Variants in MPZL1 observed in about 807,000 individuals in gnomAD.
MPZL1 encodes the protein myelin protein zero like 1, also known as myelin protein zero-like protein 1.
Under a neutral mutation model 29.3 loss-of-function variants are expected in MPZL1, and 16 were observed. The ratio of observed to expected loss-of-function variants is 0.55; its 90% CI spans 0.37 to 0.83. The LOEUF (loss-of-function observed/expected upper bound fraction) is 0.83, where lower values mean the gene tolerates loss of function less well. Ranked by LOEUF, MPZL1 falls within the 40% of genes least tolerant of loss-of-function variation. MPZL1 has a pLI of 0.00. For missense variants in MPZL1, 279 were observed against 332.9 expected, an observed-to-expected ratio of 0.84 and a Z score of 1.26; for synonymous variants, 143 against 132.0, an observed-to-expected ratio of 1.08 and a Z score of -0.57.
intron 1 of MPZL1, 26 bp from the exon 2 acceptor site, chr1:167,765,557 A>T (rs773540156): frequency 6.3e-6 from 10 of 1,575,018 alleles, no homozygotes; most frequent in Admixed American, 5.6e-5. Context: ...TCCTACTTTC[A>T]ACTACCCTTA....
At chr1:167,733,896 C>G (rs1224311001) in intron 1 of MPZL1, among the ~76,000 whole-genome samples, 2 of 151,422 alleles carry the variant, frequency 1.3e-5, no homozygotes, top group Non-Finnish European at 2.9e-5. Context: ...GAGCAAGACC[C>G]TGTTTAAAAA....
intron 1 of MPZL1, among the ~76,000 whole-genome samples, chr1:167,760,272 AGCTCACT>A (rs1660955201): frequency 6.6e-6 from 1 of 152,060 alleles, no homozygotes; most frequent in African/African-American, 2.4e-5. Flanking sequence ...GTGTGATCTC[AGCTCACT>A]GCAAGCTCCG....
At chr1:167,726,007 A>T (rs1660137630) in intron 1 of MPZL1, among the ~76,000 whole-genome samples, 2 of 152,202 alleles carry the variant, frequency 1.3e-5, no homozygotes, top group Non-Finnish European at 2.9e-5. Context: ...TCTTTTTTAA[A>T]ATCCTTAATG....
At position 167,722,191 on chromosome 1, in the gene MPZL1, C is replaced by T. The variant is rs113319606; in HGVS notation, c.40C>T (p.Pro14Ser). The T allele has an allele frequency of 8.1e-7, 1 of 1,238,462 alleles. No individual in the cohort carries two copies. The highest frequency in any genetic ancestry group is 1.0e-6 in the Non-Finnish European group (1 of 987,988). The allele number at this position is 1,238,462 out of a possible 1,614,324, so 76.7% of individuals were successfully genotyped here. Residue 14 changes from proline to serine, a missense_variant, in exon 1 of 6, where the codon CCA (proline) becomes TCA (serine). Pro to Ser is a moderately conservative substitution (Grantham distance 74). Transcript: ENST00000359523. ...CGGAGCCGGGGCGGTGATTGCAGCC[C>T]CAGACAGCCGGCGCTGGCTGTGGTC... is the stretch of plus-strand genomic sequence containing the variant. The part of the protein sequence containing the change: ...SAGAGAVIAA[P>S]DSRRWLWSVL...
intron 1 of MPZL1, among the ~76,000 whole-genome samples, chr1:167,760,761 G>GTA (rs1660968782): frequency 7.9e-6 from 1 of 127,374 alleles, no homozygotes; most frequent in Non-Finnish European, 1.8e-5. Context: ...GTGTGTGTGT[G>GTA]TGTGTGTGTG....
intron 5 of MPZL1, among the ~76,000 whole-genome samples, chr1:167,776,561 G>A (rs571125405): frequency 6.6e-6 from 1 of 152,274 alleles, no homozygotes; most frequent in South Asian, 2.1e-4. Context: ...GGAAAAGTTG[G>A]TATTCTTAGT....
At chr1:167,768,226 T>C (rs1054142392) in intron 2 of MPZL1, among the ~76,000 whole-genome samples, 3 of 152,194 alleles carry the variant, frequency 2.0e-5, no homozygotes, top group Non-Finnish European at 4.4e-5. Context: ...AATTAAAAGC[T>C]CATTACAATT....
At position 167,722,798 on chromosome 1, in the gene MPZL1, C is replaced by T. The variant is rs536565980; in HGVS notation, c.91+556C>T. 3.3e-5 allele frequency among the ~76,000 whole-genome samples: 5 copies of T among 152,260 alleles called. No individual in the cohort carries two copies. The South Asian group carries it at 1.0e-3, about 32-fold the overall frequency. ...TCTCCGTAATAAAAGAGTCTCATTT[C>T]CGTGGTCTGCAAAACGCCAATAAAA... On this transcript the variant is annotated intron_variant, in intron 1 of 5. Transcript: ENST00000359523.
chr1:167,752,645 C>G (rs771029642), intron 1 of MPZL1, among the ~76,000 whole-genome samples: 46 of 152,142 alleles, frequency 3.0e-4, no homozygotes, highest in Admixed American at 1.4e-3. Flanking sequence ...TCATATTTTA[C>G]TTTCTGTTCA....
At chr1:167,754,507 C>T (rs755038203) in intron 1 of MPZL1, among the ~76,000 whole-genome samples, 7 of 152,106 alleles carry the variant, frequency 4.6e-5, no homozygotes, top group African/African-American at 1.2e-4. Context: ...ATTTCTCTGC[C>T]GACATGTAAA....
At chr1:167,739,233 G>A (rs945976952) in intron 1 of MPZL1, among the ~76,000 whole-genome samples, 5 of 145,086 alleles carry the variant, frequency 3.4e-5, no homozygotes, top group Non-Finnish European at 7.4e-5. Flanking sequence ...GTGAACCACT[G>A]CACCCAGCCA....
intron 5 of MPZL1, among the ~76,000 whole-genome samples, chr1:167,784,896 A>G (rs1399829172): frequency 6.6e-6 from 1 of 152,212 alleles, no homozygotes; most frequent in Non-Finnish European, 1.5e-5. Context: ...GTGTTTTCCC[A>G]TTTACTTTCA....
intron 1 of MPZL1, among the ~76,000 whole-genome samples, chr1:167,733,964 A>T (rs1263208701): frequency 1.3e-5 from 2 of 151,876 alleles, no homozygotes; most frequent in African/African-American, 2.4e-5. Context: ...TTAAAAGATA[A>T]ATGCACTGTA....
At chr1:167,740,153 C>T (rs1660487094) in intron 1 of MPZL1, among the ~76,000 whole-genome samples, 1 of 152,142 alleles carries the variant, frequency 6.6e-6, no homozygotes, top group Non-Finnish European at 1.5e-5. Context: ...TAATTATTGC[C>T]CTCTTTAGAT....
chr1:167,771,248 G>A (rs1030621132), intron 2 of MPZL1, among the ~76,000 whole-genome samples: 2 of 152,056 alleles, frequency 1.3e-5, no homozygotes, highest in African/African-American at 4.8e-5. Flanking sequence ...ATCTTGCACC[G>A]CCCTTAATCC....
intron 5 of MPZL1, among the ~76,000 whole-genome samples, chr1:167,782,799 G>GA (rs982591228): frequency 1.3e-5 from 2 of 152,154 alleles, no homozygotes; most frequent in Non-Finnish European, 2.9e-5. Flanking sequence ...GGAGAGACTG[G>GA]AAGATGCTAT....
chr1:167,739,298 T>TAC lies in MPZL1; in HGVS notation c.91+17057_91+17058insCA, dbSNP rs1256641297. 3.1e-3 allele frequency among the ~76,000 whole-genome samples: 359 copies of TAC among 116,680 alleles called. 15 individuals carry two copies. The highest frequency in any genetic ancestry group is 0.016 in the African/African-American group (333 of 21,176). 76.5% of individuals were successfully genotyped at this position (116,680 alleles called of 152,430 possible). On this transcript the variant is annotated intron_variant, in intron 1 of 5. Coordinates refer to ENST00000359523, the MANE Select transcript of MPZL1 (RefSeq NM_003953.6). Reference sequence around the variant, plus strand: ...ACATATATACATATATATATATATATATATATATATACACATATATATATT... The same window carrying TAC: ...ACATATATACATATATATATATATATACATATATATATACACATATATATATT...
At chr1:167,764,181 A>G (rs1242476768) in intron 1 of MPZL1, among the ~76,000 whole-genome samples, 3 of 152,276 alleles carry the variant, frequency 2.0e-5, no homozygotes, top group South Asian at 2.1e-4. Flanking sequence ...TTTGGGCCAA[A>G]TAAGTTTTTT....
At chr1:167,728,206 A>G (rs1571130390) in intron 1 of MPZL1, among the ~76,000 whole-genome samples, 2 of 151,288 alleles carry the variant, frequency 1.3e-5, no homozygotes, top group African/African-American at 4.9e-5. Context: ...CGCCTGGCTA[A>G]TTTTTTTGTA....
Sources: allele counts gnomAD v4.1 joint callset (sites outside exome capture counted in the v4.1 genomes callset), GRCh38; gene constraint gnomAD v4.1.1; transcripts MANE v1.5; gene names NCBI Gene and HGNC (gene_info 2026-07-23, HGNC 2026-07-21).